Variants in CWC27 observed in about 807,000 individuals in gnomAD.
CWC27 encodes the protein CWC27 spliceosome associated cyclophilin.
Under a neutral mutation model 63.6 loss-of-function variants are expected in CWC27, and 47 were observed. The observed-to-expected ratio is 0.74, with a 90% CI of 0.58 to 0.94. CWC27 has a LOEUF of 0.94. CWC27 is among the 40% of genes least tolerant of loss of function. The probability of loss-of-function intolerance (pLI) is 0.00; values close to 1 mark genes in which losing one functional copy is unlikely to be tolerated. For missense variants in CWC27, 495 were observed against 554.3 expected (o/e 0.89, Z 1.07); for synonymous variants, 175 against 179.8 (o/e 0.97, Z 0.22).
chr5:64,905,057 C>T (rs1174193997), intron 11 of CWC27, among the ~76,000 whole-genome samples: 8 of 151,836 alleles, frequency 5.3e-5, no homozygotes, highest in South Asian at 4.2e-4. Flanking sequence ...AAAAGTTAGC[C>T]GGGCATGGTG....
chr5:65,002,995 C>T (rs1003323137), intron 13 of CWC27, among the ~76,000 whole-genome samples: 2 of 152,044 alleles, frequency 1.3e-5, no homozygotes, highest in South Asian at 2.1e-4. Flanking sequence ...ATGTTTAGAA[C>T]GTTATATCCT....
chr5:64,902,371 T>C (rs1747529174), intron 11 of CWC27, among the ~76,000 whole-genome samples: 1 of 152,220 alleles, frequency 6.6e-6, no homozygotes, highest in African/African-American at 2.4e-5. Context: ...GTCCATTAGT[T>C]ACTGAAACAT....
intron 11 of CWC27, among the ~76,000 whole-genome samples, chr5:64,906,370 T>C (rs115228297): frequency 0.015 from 2,312 of 152,326 alleles, 29 homozygotes; most frequent in Non-Finnish European, 0.023. Context: ...TTCTAACTGC[T>C]GTGAGATGGT....
intron 10 of CWC27, among the ~76,000 whole-genome samples, chr5:64,817,298 T>C (rs1216968871): frequency 2.0e-5 from 3 of 152,142 alleles, no homozygotes; most frequent in South Asian, 2.1e-4. Context: ...TTTCAGACTA[T>C]ACTATTTAAA....
intron 13 of CWC27, among the ~76,000 whole-genome samples, chr5:64,997,799 A>G (rs530370059): frequency 6.6e-6 from 1 of 152,288 alleles, no homozygotes; most frequent in East Asian, 1.9e-4. Context: ...GCAAAAGGAT[A>G]TCATCACTTT....
intron 11 of CWC27, among the ~76,000 whole-genome samples, chr5:64,932,988 T>C (rs58296946): frequency 0.1 from 15,548 of 152,164 alleles, 2,533 homozygotes; most frequent in African/African-American, 0.35. Flanking sequence ...TATTGTATAT[T>C]AAATTAAGTG....
chr5:64,804,493 A>G (rs2112215340), intron 10 of CWC27, 107 bp downstream of exon 10: 1 of 1,168,156 alleles, frequency 8.6e-7, no homozygotes, highest in East Asian at 2.6e-5. Context: ...TATTTTCATA[A>G]TGTTTGATAA....
At chr5:64,856,259 A>G (rs1746256379) in intron 10 of CWC27, among the ~76,000 whole-genome samples, 1 of 152,058 alleles carries the variant, frequency 6.6e-6, no homozygotes, top group African/African-American at 2.4e-5. Flanking sequence ...ATGGTAATAC[A>G]CTTATATTTT....
intron 1 of CWC27, among the ~76,000 whole-genome samples, chr5:64,769,694 G>A (rs967479691): frequency 6.6e-6 from 1 of 152,202 alleles, no homozygotes; most frequent in Non-Finnish European, 1.5e-5. Flanking sequence ...TGATAAGCGT[G>A]CTTGTGGAGA....
intron 10 of CWC27, among the ~76,000 whole-genome samples, chr5:64,850,194 G>A (rs1746100542): frequency 7.8e-6 from 1 of 128,392 alleles, no homozygotes; most frequent in South Asian, 2.6e-4. Flanking sequence ...ATACTACAAA[G>A]TTGTAGTAAT....
rs981160638 is a variant in CWC27 at position 64,898,473 on chromosome 5, T to C, written c.1042+12927T>C. On this transcript the variant is annotated intron_variant, in intron 11 of 13. Coordinates refer to ENST00000381070, the MANE Select transcript of CWC27 (RefSeq NM_005869.4). ...AGTATAACTTCTTAAAACTTGCACA[T>C]AGTAGATAGCCAGAAAATTGATTTG... Among the ~76,000 whole-genome samples, 5 of 152,138 alleles carry C rather than the reference T, an allele frequency of 3.3e-5. No individual in the cohort carries two copies. In the East Asian group the frequency reaches 9.6e-4, roughly 29 times the overall value.
At chr5:64,935,941 A>G (rs1748342309) in intron 11 of CWC27, among the ~76,000 whole-genome samples, 3 of 152,110 alleles carry the variant, frequency 2.0e-5, no homozygotes, top group Admixed American at 2.0e-4. Flanking sequence ...ATTTTTGCAC[A>G]TTTATTTTGT....
chr5:64,786,126 C>G (rs1022227517), intron 5 of CWC27, among the ~76,000 whole-genome samples: 2 of 143,434 alleles, frequency 1.4e-5, no homozygotes, highest in South Asian at 4.5e-4. Context: ...GATCACGCCA[C>G]TGCACTCCAG....
intron 11 of CWC27, among the ~76,000 whole-genome samples, chr5:64,964,515 G>T (rs2112436357): frequency 6.6e-6 from 1 of 152,264 alleles, no homozygotes; most frequent in South Asian, 2.1e-4. Context: ...TAATTTAGTA[G>T]TACATGGAAT....
At chr5:64,857,909 G>A (rs1365422242) in intron 10 of CWC27, among the ~76,000 whole-genome samples, 1 of 151,520 alleles carries the variant, frequency 6.6e-6, no homozygotes, top group African/African-American at 2.4e-5. Flanking sequence ...AGGCCGAGGC[G>A]GGCGGATCAC....
At chr5:64,924,913 C>A (rs527746277) in intron 11 of CWC27, among the ~76,000 whole-genome samples, 74 of 151,496 alleles carry the variant, frequency 4.9e-4, no homozygotes, top group African/African-American at 1.7e-3. Context: ...AAGAAACTAA[C>A]CAAAGTTATT....
chr5:64,811,382 G>A (rs914914634), intron 10 of CWC27, among the ~76,000 whole-genome samples: 5 of 151,908 alleles, frequency 3.3e-5, no homozygotes, highest in Non-Finnish European at 1.5e-5. Context: ...TGGTTTGTTA[G>A]GATGATTACA....
intron 10 of CWC27, among the ~76,000 whole-genome samples, chr5:64,840,741 T>C (rs1388703258): frequency 1.8e-4 from 27 of 152,144 alleles, no homozygotes; most frequent in Non-Finnish European, 4.4e-5. Context: ...TTTAGAATGG[T>C]TTCTTTGGCC....
At chr5:64,777,824 A>G (rs1226638460) in intron 2 of CWC27, among the ~76,000 whole-genome samples, 1 of 152,168 alleles carries the variant, frequency 6.6e-6, no homozygotes, top group East Asian at 1.9e-4. Context: ...TGCATAGTTC[A>G]ATAGTGATTA....
Sources: gnomAD v4.1 joint callset for allele counts (sites outside exome capture counted in the v4.1 genomes callset) on GRCh38, gnomAD v4.1.1 for gene constraint, MANE v1.5 for transcripts, NCBI Gene and HGNC (gene_info 2026-07-23, HGNC 2026-07-21) for gene names.